The following SETD6 variants were observed in gnomAD, a reference collection of about 807,000 sequenced individuals.
The protein encoded by SETD6 is N-lysine methyltransferase SETD6.
SETD6 carries 67 observed loss-of-function variants against 52.7 expected under a neutral mutation model. The ratio of observed to expected loss-of-function variants is 1.27; its 90% CI spans 1.04 to 1.56. The LOEUF is 1.56. Among genes scored for constraint, SETD6 ranks in the 40% most tolerant of loss-of-function variants. The pLI, the probability that SETD6 is intolerant of heterozygous loss-of-function variation, is 0.00. For missense variants in SETD6, 712 were observed against 607.5 expected (o/e 1.17, Z -1.81); for synonymous variants, 307 against 250.2 (o/e 1.23, Z -2.14).
rs138279992 is a variant in SETD6 at position 58,516,667 on chromosome 16, C to T, written c.666C>T (p.Ala222=). The T allele has an allele frequency of 2.8e-5, 45 of 1,613,196 alleles. No homozygotes were observed. Among genetic ancestry groups the T allele is most frequent in the South Asian group, 5.5e-5 (5 of 91,012 alleles). Residue 222 remains alanine (A), a synonymous_variant, in exon 4 of 8, where the codon GCC becomes GCT. Transcript: ENST00000219315. The stretch of plus-strand genomic sequence containing the variant: ...ACCAGCTGGTGGCCCTTGTGATGGC[C>T]TATAGGTCAGTGGGTGGGGCCTCTG... ...LYHQLVALVM[A]YSFQEPLEEE...
chr16:58,518,212 TC>T lies in SETD6; in HGVS notation c.955del (p.Arg319ValfsTer16), dbSNP rs1401180755. 1 of 1,614,126 alleles carries T rather than the reference TC, an allele frequency of 6.2e-7. No homozygotes were observed. The highest frequency in any genetic ancestry group is 1.3e-5 in the African/African-American group (1 of 74,946). ...CAGCTGACATTCAGATGGTGACAGT[TC>T]GTGAGGCAGCATTACAGGGTGAGTG... Reference protein sequence around the residue: ...DTADIQMVTVREAALQGTKTE... With the variant: ...DTADIQMVTVXEAALQGTKTE... On this transcript the variant is annotated frameshift_variant, in exon 6 of 8. Coordinates refer to ENST00000219315, the MANE Select transcript of SETD6 (RefSeq NM_001160305.4). LOFTEE classifies it high-confidence loss of function.
Position 58,521,208 on chromosome 16 carries a change from C to A in SETD6, c.*2179C>A. On this transcript the variant is annotated 3_prime_UTR_variant, in exon 8 of 8. Transcript: ENST00000219315. ...TTTTCGATTTCTGGGGCACAGTGTA[C>A]AAATTCATGGTTCCAGAACTTAAAC... 1 of 1,614,044 alleles carries A rather than the reference C, an allele frequency of 6.2e-7. No individual in the cohort carries two copies. Among genetic ancestry groups the A allele is most frequent in the Non-Finnish European group, 8.5e-7 (1 of 1,180,000 alleles).
intron 5 of SETD6, 101 bp from the exon 6 acceptor site, chr16:58,517,950 A>G (rs890468330): frequency 6.9e-7 from 1 of 1,445,144 alleles, no homozygotes; most frequent in Non-Finnish European, 9.6e-7. Context: ...AGCATCAGTC[A>G]TGGCTGAACT....
chr16:58,520,734 T>C lies in SETD6; in HGVS notation c.*1705T>C. The C allele has an allele frequency of 3.5e-6, 2 of 564,148 alleles. No homozygotes were observed. The highest frequency in any genetic ancestry group is 6.3e-6 in the Non-Finnish European group (2 of 315,300). 34.9% of individuals were successfully genotyped at this position (564,148 alleles called of 1,614,324 possible). On this transcript the variant is annotated 3_prime_UTR_variant, in exon 8 of 8. Coordinates refer to ENST00000219315, the MANE Select transcript of SETD6 (RefSeq NM_001160305.4). Reference sequence around the variant, plus strand: ...TATTTACACAAGTTCAAAATGATATTCACAGCATCTTCTAAATTTTGGCCA... The same window carrying C: ...TATTTACACAAGTTCAAAATGATATCCACAGCATCTTCTAAATTTTGGCCA...
At chr16:58,518,605 GAAGAT>G (rs1397292279) in intron 7 of SETD6, 62 bp downstream of exon 7, 7 of 1,580,494 alleles carry the variant, frequency 4.4e-6, no homozygotes, top group Admixed American at 4.1e-5. Context: ...AAAATAGCTA[GAAGAT>G]GAGAGAGGAA....
rs1416032837 is a variant in SETD6, at chr16:58,516,103, CACGGCGGCGGGCTAGGGCCCT to C, written c.334+7_334+27del. Reference sequence around the variant, plus strand: ...CGGCGGCCTGCTGGAGCGAGGTGGGCACGGCGGCGGGCTAGGGCCCTGGGGCGGGGCGGGGCGGGGCGGGGC... The same window carrying C: ...CGGCGGCCTGCTGGAGCGAGGTGGGCGGGGCGGGGCGGGGCGGGGCGGGGC... On this transcript the variant is annotated splice_region_variant and intron_variant, in intron 2 of 7. Coordinates refer to ENST00000219315, the MANE Select transcript of SETD6 (RefSeq NM_001160305.4). 2 of 1,219,446 alleles carry C rather than the reference CACGGCGGCGGGCTAGGGCCCT, an allele frequency of 1.6e-6. No individual in the cohort carries two copies. Among genetic ancestry groups the C allele is most frequent in the East Asian group, 8.5e-5 (2 of 23,624 alleles). 75.5% of individuals were successfully genotyped at this position (1,219,446 alleles called of 1,614,324 possible).
At chr16:58,516,779 GGGCCTTA>G in intron 4 of SETD6, 22 bp from the exon 5 acceptor site, 1 of 1,613,990 alleles carries the variant, frequency 6.2e-7, no homozygotes, top group African/African-American at 1.3e-5. Flanking sequence ...ACCCAAGACA[GGGCCTTA>G]GCCAGGTTCT....
Position 58,520,192 on chromosome 16 carries a change from C to G in SETD6, c.*1163C>G, listed in dbSNP as rs2039316780. On this transcript the variant is annotated 3_prime_UTR_variant, in exon 8 of 8. Coordinates refer to ENST00000219315, the MANE Select transcript of SETD6 (RefSeq NM_001160305.4). ...AACAATTAATTAATGAGATTTGGTT[C>G]CCTTTCCTATATTCCCACTGTTTTT... The G allele has an allele frequency of 6.6e-6, 1 of 151,978 alleles. No homozygotes were observed. The highest frequency in any genetic ancestry group is 6.6e-5 in the Admixed American group (1 of 15,262). The allele number at this position is 151,978 out of a possible 1,614,324, so 9.4% of individuals were successfully genotyped here. A position where few individuals can be genotyped will look rare whatever the true frequency, so the allele number is the denominator to read the frequency against.
In SETD6 at chr16:58,520,089, G is replaced by T. The variant is rs1009967767; in HGVS notation, c.*1060G>T. On this transcript the variant is annotated 3_prime_UTR_variant, in exon 8 of 8. Coordinates refer to ENST00000219315, the MANE Select transcript of SETD6 (RefSeq NM_001160305.4). ...AAACATTCAAAATCCTTATAAAAGG[G>T]GCTGTATTGGTCCTTTCAACTTTGT... The T allele has an allele frequency of 6.6e-6, 1 of 152,198 alleles. No individual in the cohort carries two copies. Among genetic ancestry groups the T allele is most frequent in the Non-Finnish European group, 1.5e-5 (1 of 68,044 alleles). 9.4% of individuals were successfully genotyped at this position (152,198 alleles called of 1,614,324 possible).
At chr16:58,515,752 C>G in intron 1 of SETD6, 39 bp from the exon 2 acceptor site, 2 of 1,431,012 alleles carry the variant, frequency 1.4e-6, no homozygotes, top group South Asian at 3.0e-5. Flanking sequence ...AGCGGCCTCT[C>G]TGGGGGTCGG....
intron 5 of SETD6, chr16:58,517,291 G>C (rs2039199413): frequency 3.0e-6 from 1 of 338,408 alleles, no homozygotes; most frequent in Non-Finnish European, 5.8e-6. Flanking sequence ...GAGGGATGAG[G>C]ACATTCACAG....
intron 5 of SETD6, 93 bp downstream of exon 5, chr16:58,517,021 G>C: frequency 6.4e-7 from 1 of 1,574,486 alleles, no homozygotes; most frequent in Non-Finnish European, 8.7e-7. Flanking sequence ...AAAATGAGTA[G>C]GTGAAATCAG....
At chr16:58,518,605 G>A (rs991653618) in intron 7 of SETD6, 62 bp downstream of exon 7, 1 of 1,580,612 alleles carries the variant, frequency 6.3e-7, no homozygotes. Context: ...AAAATAGCTA[G>A]AAGATGAGAG....
chr16:58,519,448 C>T lies in SETD6; in HGVS notation c.*419C>T, dbSNP rs2039285180. 5.8e-6 allele frequency: 1 copy of T among 173,550 alleles called. No individual in the cohort carries two copies. 10.8% of individuals were successfully genotyped at this position (173,550 alleles called of 1,614,324 possible). Reference sequence around the variant, plus strand: ...TTTAATAAGCTGTGTAACTGGTACTCGATAGTTACCCAAAGTTCAGTCTAG... The same window carrying T: ...TTTAATAAGCTGTGTAACTGGTACTTGATAGTTACCCAAAGTTCAGTCTAG... On this transcript the variant is annotated 3_prime_UTR_variant, in exon 8 of 8. Transcript: ENST00000219315.
chr16:58,519,023 A>T lies in SETD6; in HGVS notation c.1416A>T (p.Thr472=), dbSNP rs138410587. The T allele has an allele frequency of 1.2e-3, 1,981 of 1,607,652 alleles. 4 individuals are homozygous for T. The highest frequency in any genetic ancestry group is 1.4e-3 in the Admixed American group (82 of 59,550). The change falls in exon 8 of 8, where the codon ACA becomes ACT. Residue 472 remains threonine, a synonymous_variant. Coordinates refer to ENST00000219315, the MANE Select transcript of SETD6 (RefSeq NM_001160305.4). ...TCTTACATCAGTTGTTGGAGCTGACAAGTTAGCAGTTTCCCTGTTCCCTGA... is the reference window on the plus strand; with the variant it reads ...TCTTACATCAGTTGTTGGAGCTGACTAGTTAGCAGTTTCCCTGTTCCCTGA... ...KMILHQLLEL[T]S
rs2039288997 is a variant in SETD6, at chr16:58,519,597, C to T, written c.*568C>T. The T allele has an allele frequency of 6.7e-6, 1 of 149,204 alleles. No homozygotes were observed. The highest frequency in any genetic ancestry group is 2.5e-5 in the African/African-American group (1 of 40,204). The allele number at this position is 149,204 out of a possible 1,614,324, so 9.2% of individuals were successfully genotyped here. ...AACTTGACAGTCATGAAAGGTAAGG[C>T]AAATTTTAAGTGGGTTAAGTTTTTA... On this transcript the variant is annotated 3_prime_UTR_variant, in exon 8 of 8. Transcript: ENST00000219315.
At position 58,515,831 on chromosome 16, in the gene SETD6, C is replaced by T. The variant is rs140846961; in HGVS notation, c.68C>T (p.Ala23Val). ...PVDGGDLDPVACFLSWCRRVG... is the reference protein window; with the variant it reads ...PVDGGDLDPVVCFLSWCRRVG... Reference sequence around the variant, plus strand: ...GACGGCGGCGACCTGGATCCTGTGGCCTGCTTCCTGAGCTGGTGCCGGCGG... The same window carrying T: ...GACGGCGGCGACCTGGATCCTGTGGTCTGCTTCCTGAGCTGGTGCCGGCGG... Residue 23 changes from alanine to valine, a missense_variant, in exon 2 of 8, where the codon GCC (alanine) becomes GTC (valine). Coordinates refer to ENST00000219315, the MANE Select transcript of SETD6 (RefSeq NM_001160305.4). The T allele has an allele frequency of 1.3e-6, 2 of 1,539,038 alleles. No individual in the cohort carries two copies. Among genetic ancestry groups the T allele is most frequent in the African/African-American group, 1.4e-5 (1 of 70,102 alleles).
intron 2 of SETD6, 46 bp from the exon 3 acceptor site, chr16:58,516,156 G>C: frequency 7.4e-7 from 1 of 1,356,630 alleles, no homozygotes; most frequent in Non-Finnish European, 9.4e-7. Context: ...GGGCGGGCCC[G>C]GCCCGCGAGG....
rs1217327752 is a variant in SETD6, at chr16:58,518,131, G to C, written c.873G>C (p.Trp291Cys). The C allele has an allele frequency of 6.2e-7, 1 of 1,614,180 alleles. No homozygotes were observed. The highest frequency in any genetic ancestry group is 8.5e-7 in the Non-Finnish European group (1 of 1,180,048). Reference protein sequence around the residue: ...IFNTYGQMANWQLIHMYGFVE... With the variant: ...IFNTYGQMANCQLIHMYGFVE... Reference sequence around the variant, plus strand: ...ACACTTATGGGCAAATGGCTAACTGGCAACTGATTCATATGTACGGTTTTG... The same window carrying C: ...ACACTTATGGGCAAATGGCTAACTGCCAACTGATTCATATGTACGGTTTTG... The change falls in exon 6 of 8, where the codon TGG (tryptophan) becomes TGC (cysteine). Residue 291 changes from tryptophan to cysteine, a missense_variant. Physicochemically the swap from Trp to Cys is radical, Grantham distance 215 (BLOSUM62 -2). Coordinates refer to ENST00000219315, the MANE Select transcript of SETD6 (RefSeq NM_001160305.4).
Sources: allele counts gnomAD v4.1 joint callset, GRCh38; gene constraint gnomAD v4.1.1; transcripts MANE v1.5; gene names NCBI Gene and HGNC (gene_info 2026-07-23, HGNC 2026-07-21).